The following GAB4 variants were observed in gnomAD, a reference collection of about 807,000 sequenced individuals.
The protein encoded by GAB4 is GRB2 associated binding protein family member 4.
In GAB4, 26 loss-of-function variants were observed where a neutral mutation model predicts 51.3. The ratio of observed to expected loss-of-function variants is 0.51; its 90% confidence interval spans 0.37 to 0.70. GAB4 has a LOEUF of 0.70. Ranked by LOEUF, GAB4 falls within the 30% of genes least tolerant of loss-of-function variation. The pLI is 0.00. For synonymous variants in GAB4, 329 were observed against 291.2 expected (o/e 1.13, Z -1.32); for missense variants, 759 against 734.6 (o/e 1.03, Z -0.38).
Position 16,968,373 on chromosome 22 carries a change from G to C in GAB4, c.948C>G (p.Gly316=). 1 of 1,613,692 alleles carries C rather than the reference G, an allele frequency of 6.2e-7. No individual in the cohort carries two copies. Among genetic ancestry groups the C allele is most frequent in the Non-Finnish European group, 8.5e-7 (1 of 1,179,602 alleles). The part of the protein sequence containing the change: ...GSEADNEASS[G]KYTQHGGGNA... ...TCCCTCCACCATGCTGGGTGTACTTGCCGGAGGAAGCTACGACAGAGGAAG... is the reference window on the plus strand; with the variant it reads ...TCCCTCCACCATGCTGGGTGTACTTCCCGGAGGAAGCTACGACAGAGGAAG... Residue 316 remains glycine, a synonymous_variant, in exon 5 of 10, where the codon GGC becomes GGG. Coordinates refer to ENST00000400588, the MANE Select transcript of GAB4 (RefSeq NM_001037814.1).
At position 16,966,223 on chromosome 22, in the gene GAB4, ATG is replaced by A; in HGVS notation, c.1163_1164del (p.Ser388LeufsTer6). The A allele has an allele frequency of 6.2e-7, 1 of 1,614,118 alleles. No individual in the cohort carries two copies. The highest frequency in any genetic ancestry group is 8.5e-7 in the Non-Finnish European group (1 of 1,180,018). On this transcript the variant is annotated frameshift_variant, in exon 6 of 10. Transcript: ENST00000400588. LOFTEE classifies it high-confidence loss of function. The part of the protein sequence containing the change: ...DSQGVCIPVG[S>X]CLVRFDLLGS... Reference sequence around the variant, plus strand: ...CCAAGCAGGTCAAAGCGAACAAGACATGAGCCCACAGGGATGCAGACACCCTG... The same window carrying A: ...CCAAGCAGGTCAAAGCGAACAAGACAAGCCCACAGGGATGCAGACACCCTG...
At chr22:16,992,241 G>C in intron 1 of GAB4, 65 bp from the exon 2 acceptor site, 1 of 1,421,374 alleles carries the variant, frequency 7.0e-7, no homozygotes, top group Non-Finnish European at 9.7e-7. Context: ...ACAGGTCTGA[G>C]ACATCACTAA....
Position 16,988,159 on chromosome 22 carries a change from C to A in GAB4, c.487G>T (p.Gly163Ter), listed in dbSNP as rs28502153. 0.38 allele frequency: 604,883 copies of A among 1,605,856 alleles called. 116,621 individuals carry two copies. The highest frequency in any genetic ancestry group is 0.46 in the Admixed American group (27,206 of 59,694). ...FRQEESTGFLGNISSASHGLC... is the reference protein window; with the variant it reads ...FRQEESTGFL ...CCGTGACTGGCTGAGGAAATGTTTC[C>A]CAGGAAGCCTGTGAATGAAACAGGA... The change falls in exon 3 of 10, where the codon GGA (glycine) becomes TGA (stop). Residue 163 changes from glycine to a stop codon, truncating the protein, a stop_gained. Coordinates refer to ENST00000400588, the MANE Select transcript of GAB4 (RefSeq NM_001037814.1). LOFTEE classifies it high-confidence loss of function.
chr22:16,986,145 G>A (rs563821252), intron 3 of GAB4, among the ~76,000 whole-genome samples: 34 of 152,328 alleles, frequency 2.2e-4, no homozygotes, highest in African/African-American at 7.7e-4. Flanking sequence ...GGGAGTACAG[G>A]TGGTGGTGGC....
intron 3 of GAB4, among the ~76,000 whole-genome samples, chr22:16,970,811 G>A (rs1350332170): frequency 6.6e-6 from 1 of 152,200 alleles, no homozygotes; most frequent in East Asian, 1.9e-4. Context: ...ACGGTGGTTA[G>A]AGAGGCAATT....
intron 1 of GAB4, among the ~76,000 whole-genome samples, chr22:16,995,209 A>G (rs915075048): frequency 3.3e-5 from 5 of 152,162 alleles, no homozygotes; most frequent in African/African-American, 1.2e-4. Flanking sequence ...GAGAGGGAAC[A>G]GTGATGAGGA....
intron 3 of GAB4, among the ~76,000 whole-genome samples, chr22:16,982,800 C>A (rs1439285383): frequency 6.6e-6 from 1 of 152,210 alleles, no homozygotes; most frequent in Admixed American, 6.5e-5. Context: ...GCTTGCATGT[C>A]TGACATAATG....
intron 6 of GAB4, among the ~76,000 whole-genome samples, chr22:16,965,876 C>A (rs1193443498): frequency 6.6e-6 from 1 of 152,238 alleles, no homozygotes; most frequent in Admixed American, 6.5e-5. Context: ...CCAAACTTCA[C>A]TGGACACCTG....
At chr22:16,994,020 T>G (rs533949645) in intron 1 of GAB4, among the ~76,000 whole-genome samples, 24 of 152,110 alleles carry the variant, frequency 1.6e-4, no homozygotes, top group African/African-American at 5.8e-4. Context: ...CCACCTCTAC[T>G]AGGATCATTC....
intron 5 of GAB4, 157 bp from the exon 6 acceptor site, chr22:16,966,521 C>A (rs867730134): frequency 2.7e-6 from 2 of 743,892 alleles, no homozygotes. Context: ...CAGCCACCTG[C>A]GGCCCAGATA....
Position 16,963,010 on chromosome 22 carries a change from G to A in GAB4, c.1582-134C>T, listed in dbSNP as rs145690904. 1,239 of 781,910 alleles carry A rather than the reference G, an allele frequency of 1.6e-3. 20 individuals are homozygous for A. The East Asian group carries it at 0.032, about 20-fold the overall frequency. 48.4% of individuals were successfully genotyped at this position (781,910 alleles called of 1,614,324 possible). ...CTGCCTCCTGCTCTCAGCAGCCTGG[G>A]GGGCCTGGGCTTTAAAGCCTCAACT... On this transcript the variant is annotated intron_variant, in intron 9 of 9. Transcript: ENST00000400588.
At position 16,975,647 on chromosome 22, in the gene GAB4, C is replaced by T. The variant is rs574565011; in HGVS notation, c.687-5454G>A. On this transcript the variant is annotated intron_variant, in intron 3 of 9. Coordinates refer to ENST00000400588, the MANE Select transcript of GAB4 (RefSeq NM_001037814.1). ...GAAAGCAGCATATCTCCCAGCACAACGCCCGAGCCCTGCTAAGGGACAGAC... is the reference window on the plus strand; with the variant it reads ...GAAAGCAGCATATCTCCCAGCACAATGCCCGAGCCCTGCTAAGGGACAGAC... 1.4e-4 allele frequency among the ~76,000 whole-genome samples: 22 copies of T among 152,338 alleles called. No individual in the cohort carries two copies. In the East Asian group the frequency reaches 1.9e-3, roughly 13 times the overall value.
intron 4 of GAB4, 152 bp downstream of exon 4, chr22:16,969,791 C>T: frequency 1.0e-6 from 1 of 974,896 alleles, no homozygotes. Context: ...CAGGAGTGGC[C>T]ACCACCATGG....
At chr22:16,974,020 C>T (rs2060755972) in intron 3 of GAB4, among the ~76,000 whole-genome samples, 1 of 152,192 alleles carries the variant, frequency 6.6e-6, no homozygotes, top group African/African-American at 2.4e-5. Context: ...AGCCAACATG[C>T]CTGAAATTAC....
intron 1 of GAB4, among the ~76,000 whole-genome samples, chr22:16,999,700 T>C (rs944989744): frequency 9.2e-5 from 14 of 152,338 alleles, no homozygotes; most frequent in African/African-American, 3.4e-4. Context: ...ATGTGTTTGC[T>C]CTTGCTTGTC....
chr22:16,968,339 G>A lies in GAB4; in HGVS notation c.982C>T (p.Arg328Trp), dbSNP rs754755866. 2.0e-5 allele frequency: 33 copies of A among 1,613,942 alleles called. No homozygotes were observed. Among genetic ancestry groups the A allele is most frequent in the Middle Eastern group, 1.6e-4 (1 of 6,084 alleles). ...CCCTCATGCATGGACTCAGCAGGCC[G>A]GCTGGCATTCCCTCCACCATGCTGG... ...YTQHGGGNAS[R>W]PAESMHEGVC... is the part of the protein sequence containing the mutation. Residue 328 changes from arginine to tryptophan, a missense_variant, in exon 5 of 10, where the codon CGG (arginine) becomes TGG (tryptophan). By Grantham distance (101) the Arg-to-Trp change is moderately radical. Around this residue, in one of 3 missense-constraint regions of GAB4, gnomAD observed 588 missense variants for 510.2 expected, o/e 1.15. Transcript: ENST00000400588.
At chr22:16,977,769 A>G (rs1569098199) in intron 3 of GAB4, among the ~76,000 whole-genome samples, 1 of 152,246 alleles carries the variant, frequency 6.6e-6, no homozygotes, top group Non-Finnish European at 1.5e-5. Context: ...AATTGACCAC[A>G]TAATTGGAAG....
Position 16,966,361 on chromosome 22 carries a change from C to T in GAB4, c.1027G>A (p.Gly343Arg), listed in dbSNP as rs1343921056. The T allele has an allele frequency of 1.9e-6, 3 of 1,610,894 alleles. No homozygotes were observed. The highest frequency in any genetic ancestry group is 2.5e-6 in the Non-Finnish European group (3 of 1,178,050). The change falls in exon 6 of 10, where the codon GGA (glycine) becomes AGA (arginine). Residue 343 changes from glycine to arginine, a missense_variant. Physicochemically the swap from Gly to Arg is moderately radical, Grantham distance 125. Coordinates refer to ENST00000400588, the MANE Select transcript of GAB4 (RefSeq NM_001037814.1). The stretch of plus-strand genomic sequence containing the variant: ...TCTGACAGGCCCACAAGCGTTCTTC[C>T]TGGCTAGGAAGAGGACAGTGAAAGA... ...MHEGVCSFLP[G>R]RTLVGLSDSI...
At chr22:16,992,331 T>C (rs917073461) in intron 1 of GAB4, among the ~76,000 whole-genome samples, 155 bp from the exon 2 acceptor site, 1 of 152,192 alleles carries the variant, frequency 6.6e-6, no homozygotes, top group African/African-American at 2.4e-5. Context: ...GAGAGTGACT[T>C]TGAATGCATT....
Sources: gnomAD v4.1 joint callset for allele counts (sites outside exome capture counted in the v4.1 genomes callset) on GRCh38, gnomAD v4.1.1 for gene constraint, gnomAD v4.1.1 regional missense constraint, MANE v1.5 for transcripts, NCBI Gene and HGNC (gene_info 2026-07-23, HGNC 2026-07-21) for gene names.